ACACB: variants seen among roughly 807,000 people sequenced by gnomAD.
The protein encoded by ACACB is acetyl-CoA carboxylase beta, also known as acetyl-CoA carboxylase 2.
A neutral mutation model predicts 278.8 loss-of-function variants in ACACB; 209 were observed. The ratio of observed to expected loss-of-function variants is 0.75; its 90% CI spans 0.67 to 0.84. The LOEUF (loss-of-function observed/expected upper bound fraction) is 0.84. Among genes scored for constraint, ACACB ranks in the 40% least tolerant of loss-of-function variants. ACACB has a pLI of 0.00. For missense variants in ACACB, 2,850 were observed against 3,269.0 expected, an observed-to-expected ratio of 0.87 and a Z score of 3.13; for synonymous variants, 1,174 against 1,285.6, an observed-to-expected ratio of 0.91 and a Z score of 1.86.
Position 109,252,094 on chromosome 12 carries a change from C to T in ACACB, c.5839C>T (p.Gln1947Ter). The stretch of plus-strand genomic sequence containing the variant: ...TGGGGCCTACTTGGTGAGGCTGGGC[C>T]AGCGAGTGATCCAGGTGGAGAATTC... ...GIGAYLVRLG[Q>*]RVIQVENSHI... Residue 1947 changes from glutamine (Q) to a stop codon, truncating the protein, a stop_gained, in exon 42 of 53, where the codon CAG becomes TAG. Coordinates refer to ENST00000338432, the MANE Select transcript of ACACB (RefSeq NM_001093.4). LOFTEE classifies it high-confidence loss of function. 6.2e-7 allele frequency: 1 copy of T among 1,613,598 alleles called. No individual in the cohort carries two copies. Among genetic ancestry groups the T allele is most frequent in the Non-Finnish European group, 8.5e-7 (1 of 1,179,844 alleles).
rs755093972 is a variant in ACACB at position 109,188,176 on chromosome 12, T to G, written c.2144+14T>G. On this transcript the variant is annotated intron_variant, in intron 13 of 52. Transcript: ENST00000338432. Reference sequence around the variant, plus strand: ...AGAGGCCATTTCGTCAGTATCTCCTTCCTTCCTTCCTTCCTTCCTTCCTTC... The same window carrying G: ...AGAGGCCATTTCGTCAGTATCTCCTGCCTTCCTTCCTTCCTTCCTTCCTTC... 8 of 152,742 alleles carry G rather than the reference T, an allele frequency of 5.2e-5. No homozygotes were observed. Among genetic ancestry groups the G allele is most frequent in the Non-Finnish European group, 8.0e-5 (7 of 87,200 alleles). 9.5% of individuals were successfully genotyped at this position (152,742 alleles called of 1,614,324 possible).
Position 109,203,490 on chromosome 12 carries a change from T to C in ACACB, c.2913+1789T>C, listed in dbSNP as rs534623811. On this transcript the variant is annotated intron_variant, in intron 19 of 52. Transcript: ENST00000338432. The stretch of plus-strand genomic sequence containing the variant: ...ACAAAGATGATCTCACTGATTGTCT[T>C]GTTGCTTTATTATTTGGCCTCCAGG... Among the ~76,000 whole-genome samples the C allele has an allele frequency of 5.9e-5, 9 of 152,334 alleles. No homozygotes were observed. The South Asian group carries it at 1.9e-3, about 32-fold the overall frequency.
chr12:109,246,445 C>A lies in ACACB; in HGVS notation c.5568C>A (p.His1856Gln). The A allele has an allele frequency of 6.2e-7, 1 of 1,608,624 alleles. No individual in the cohort carries two copies. Among genetic ancestry groups the A allele is most frequent in the Non-Finnish European group, 8.5e-7 (1 of 1,175,558 alleles). Residue 1856 changes from histidine to glutamine, a missense_variant, in exon 39 of 53, where the codon CAC becomes CAA. His to Gln is a conservative substitution (Grantham distance 24, BLOSUM62 0). This residue lies in a region of ACACB where 2,265 missense variants were observed against 2,561.3 expected (regional missense o/e 0.88). Transcript: ENST00000338432. ...HVAWVDPEDPHKGFKYLYLTP... is the reference protein window; with the variant it reads ...HVAWVDPEDPQKGFKYLYLTP... ...CTTGGGTGGACCCAGAAGACCCCCA[C>A]AAAGTACGTCGTGAAACTGGCGGGG...
At chr12:109,246,575 G>A in intron 39 of ACACB, 127 bp downstream of exon 39, 1 of 1,160,630 alleles carries the variant, frequency 8.6e-7, no homozygotes, top group Non-Finnish European at 1.2e-6. Context: ...TGTACATGTA[G>A]TGTATAAACA....
At position 109,222,864 on chromosome 12, in the gene ACACB, G is replaced by C; in HGVS notation, c.3744G>C (p.Leu1248=). Residue 1248 remains leucine, a synonymous_variant, in exon 26 of 53, where the codon CTG becomes CTC. Coordinates refer to ENST00000338432, the MANE Select transcript of ACACB (RefSeq NM_001093.4). ...LRHNQVESIF[L]SAIDMYGHQF... The stretch of plus-strand genomic sequence containing the variant: ...ATAACCAGGTGGAGTCCATTTTCCT[G>C]TCTGCCATTGACATGTACGGCCACC... 2 of 1,613,800 alleles carry C rather than the reference G, an allele frequency of 1.2e-6. No homozygotes were observed. The highest frequency in any genetic ancestry group is 8.5e-7 in the Non-Finnish European group (1 of 1,179,910).
At chr12:109,247,555 G>A (rs780558497) in intron 39 of ACACB, 51 bp from the exon 40 acceptor site, 11 of 1,360,126 alleles carry the variant, frequency 8.1e-6, no homozygotes, top group Non-Finnish European at 1.1e-5. Flanking sequence ...AAAAACAGTG[G>A]CTTTCAGTGC....
chr12:109,191,618 T>C lies in ACACB; in HGVS notation c.2150T>C (p.Met717Thr). The C allele has an allele frequency of 6.2e-7, 1 of 1,614,076 alleles. No individual in the cohort carries two copies. Among genetic ancestry groups the C allele is most frequent in the Non-Finnish European group, 8.5e-7 (1 of 1,179,968 alleles). ...GENREEAISN[M>T]VVALKELSIR... ...CATGTGCCTTTCCCTTCAAGGAACA[T>C]GGTGGTGGCTTTGAAGGAACTGTCC... Residue 717 changes from methionine to threonine, a missense_variant, in exon 14 of 53, where the codon ATG (methionine) becomes ACG (threonine). This residue lies in a region of ACACB where 2,265 missense variants were observed against 2,561.3 expected (regional missense o/e 0.88). Transcript: ENST00000338432.
chr12:109,199,241 C>T (rs1478792353), intron 17 of ACACB, among the ~76,000 whole-genome samples, 161 bp from the exon 18 acceptor site: 2 of 152,122 alleles, frequency 1.3e-5, no homozygotes, highest in East Asian at 3.9e-4. Context: ...TCACCCACCT[C>T]ACTCTCAGTG....
chr12:109,149,768 G>C (rs906784400), intron 2 of ACACB, among the ~76,000 whole-genome samples: 5 of 152,204 alleles, frequency 3.3e-5, no homozygotes, highest in African/African-American at 1.2e-4. Context: ...CAGGCAGTCA[G>C]TTGGCACTAC....
At chr12:109,126,535 T>C (rs925877302) in intron 1 of ACACB, among the ~76,000 whole-genome samples, 5 of 151,924 alleles carry the variant, frequency 3.3e-5, no homozygotes, top group Non-Finnish European at 7.4e-5. Flanking sequence ...ATAAAAAAGA[T>C]TAGCTAGATG....
At chr12:109,262,251 A>G in intron 48 of ACACB, 106 bp from the exon 49 acceptor site, 1 of 813,296 alleles carries the variant, frequency 1.2e-6, no homozygotes, top group Non-Finnish European at 2.0e-6. Flanking sequence ...GAGGACTGAC[A>G]CCCAGATCTT....
At chr12:109,119,635 G>A (rs572364992) in intron 1 of ACACB, among the ~76,000 whole-genome samples, 12 of 151,358 alleles carry the variant, frequency 7.9e-5, no homozygotes, top group Middle Eastern at 3.4e-3. Context: ...GGTGGCTCAC[G>A]CCTATAATCC....
chr12:109,182,571 T>C (rs530241584), intron 11 of ACACB, among the ~76,000 whole-genome samples: 8 of 152,190 alleles, frequency 5.3e-5, no homozygotes, highest in African/African-American at 1.9e-4. Flanking sequence ...GGTCTCACTA[T>C]GTTGTCTAGG....
At chr12:109,181,951 C>G (rs1304493898) in intron 11 of ACACB, among the ~76,000 whole-genome samples, 1 of 132,054 alleles carries the variant, frequency 7.6e-6, no homozygotes, top group Non-Finnish European at 1.6e-5. Context: ...TCGAACAATT[C>G]TCCTGCCTCA....
At position 109,139,426 on chromosome 12, in the gene ACACB, A is replaced by G. The variant is rs1191186451; in HGVS notation, c.21A>G (p.Leu7=). 1 of 1,613,684 alleles carries G rather than the reference A, an allele frequency of 6.2e-7. No homozygotes were observed. Among genetic ancestry groups the G allele is most frequent in the Non-Finnish European group, 8.5e-7 (1 of 1,179,878 alleles). The change falls in exon 2 of 53, where the codon CTA becomes CTG. Residue 7 remains leucine, a synonymous_variant. Coordinates refer to ENST00000338432, the MANE Select transcript of ACACB (RefSeq NM_001093.4). ...TCTGAATGGTCTTGCTTCTTTGTCT[A>G]TCTTGTCTGATTTTCTCCTGTCTGA... MVLLLC[L]SCLIFSCLTF...
intron 27 of ACACB, 52 bp downstream of exon 27, chr12:109,223,956 C>T (rs766044988): frequency 4.1e-5 from 61 of 1,477,618 alleles, no homozygotes; most frequent in Non-Finnish European, 9.5e-6. Flanking sequence ...TTCTAGTGTT[C>T]ACTGCCGCTA....
intron 18 of ACACB, among the ~76,000 whole-genome samples, chr12:109,199,796 G>A (rs2045272466): frequency 6.6e-6 from 1 of 152,096 alleles, no homozygotes; most frequent in African/African-American, 2.4e-5. Context: ...GGCGGATCAC[G>A]AGGTCAGGAG....
At chr12:109,180,166 C>G in intron 11 of ACACB, 79 bp downstream of exon 11, 1 of 1,464,576 alleles carries the variant, frequency 6.8e-7, no homozygotes, top group Non-Finnish European at 9.4e-7. Context: ...TAGTCCATCC[C>G]GCCCATCTCT....
At chr12:109,133,673 T>C (rs2135991722) in intron 1 of ACACB, among the ~76,000 whole-genome samples, 1 of 151,936 alleles carries the variant, frequency 6.6e-6, no homozygotes, top group African/African-American at 2.4e-5. Flanking sequence ...CTAAGATTGG[T>C]CGCATTTGTA....
Sources: allele counts gnomAD v4.1 joint callset (sites outside exome capture counted in the v4.1 genomes callset), GRCh38; gene constraint gnomAD v4.1.1; regional missense constraint gnomAD v4.1.1; transcripts MANE v1.5; gene names NCBI Gene and HGNC (gene_info 2026-07-23, HGNC 2026-07-21).